NPAS2: variants seen among roughly 807,000 people sequenced by gnomAD.
NPAS2 encodes the protein neuronal PAS domain-containing protein 2.
Under a neutral mutation model 107.5 loss-of-function variants are expected in NPAS2, and 23 were observed. The observed-to-expected ratio is 0.21, with a 90% CI of 0.15 to 0.30. The LOEUF (loss-of-function observed/expected upper bound fraction) is 0.30, where lower values mean the gene tolerates loss of function less well. Among genes scored for constraint, NPAS2 ranks in the 10% least tolerant of loss-of-function variants. The pLI is 1.00. For missense variants in NPAS2, 756 were observed against 1,043.3 expected (o/e 0.72, Z 3.79); for synonymous variants, 403 against 417.5 (o/e 0.97, Z 0.42).
intron 7 of NPAS2, among the ~76,000 whole-genome samples, chr2:100,961,588 G>A (rs17020663): frequency 6.6e-6 from 1 of 152,088 alleles, no homozygotes; most frequent in Non-Finnish European, 1.5e-5. Context: ...TAAAGACTTA[G>A]ATGCTATAAA....
intron 15 of NPAS2, among the ~76,000 whole-genome samples, chr2:100,978,187 C>T (rs1677155133): frequency 6.6e-6 from 1 of 152,160 alleles, no homozygotes. Context: ...TCCCAAAGTC[C>T]ATCATTTCAT....
intron 16 of NPAS2, chr2:100,985,254 C>T (rs1677715343): frequency 6.5e-6 from 1 of 152,844 alleles, no homozygotes; most frequent in African/African-American, 2.4e-5. Flanking sequence ...ATCCGTCCTT[C>T]CATCCAGCCG....
intron 1 of NPAS2, among the ~76,000 whole-genome samples, chr2:100,852,998 A>G (rs771302683): frequency 1.3e-5 from 2 of 152,250 alleles, no homozygotes; most frequent in Non-Finnish European, 2.9e-5. Flanking sequence ...GAACTTCCTA[A>G]GAGGAGCAAG....
At chr2:100,819,173 T>A (rs1573385743), upstream of NPAS2, among the ~76,000 whole-genome samples, 1 of 149,240 alleles carries the variant, frequency 6.7e-6, no homozygotes, top group Non-Finnish European at 1.5e-5. The surrounding 1 kb of genome is among the most constrained non-coding windows in gnomAD (Gnocchi z 5.8). Flanking sequence ...AGGTCACGTA[T>A]GTTTGGAAAA....
chr2:100,995,900 C>G lies in NPAS2; in HGVS notation c.*318C>G, dbSNP rs371920466. On this transcript the variant is annotated 3_prime_UTR_variant, in exon 21 of 21. Transcript: ENST00000335681. ...AGATGGCGCATCTCGCTGCATCCCC[C>G]GAGAGTACACCGGTTGCTCTAGCCA... 6.9e-7 allele frequency: 1 copy of G among 1,445,116 alleles called. No homozygotes were observed. The highest frequency in any genetic ancestry group is 2.1e-5 in the Admixed American group (1 of 47,940). The allele number at this position is 1,445,116 out of a possible 1,614,324, so 89.5% of individuals were successfully genotyped here.
intron 19 of NPAS2, among the ~76,000 whole-genome samples, chr2:100,992,524 T>A (rs62152934): frequency 0.19 from 28,239 of 152,204 alleles, 2,819 homozygotes; most frequent in Middle Eastern, 0.32. Flanking sequence ...TCTCCCTAGA[T>A]CTGTTTGTTT....
At chr2:100,865,992 A>T (rs1679225354) in intron 1 of NPAS2, among the ~76,000 whole-genome samples, 1 of 152,056 alleles carries the variant, frequency 6.6e-6, no homozygotes, top group South Asian at 2.1e-4. Context: ...CCTCAGCCTG[A>T]CAGCCCAGGG....
intron 1 of NPAS2, among the ~76,000 whole-genome samples, chr2:100,838,183 T>TC (rs1421511855): frequency 6.6e-6 from 1 of 152,160 alleles, no homozygotes; most frequent in African/African-American, 2.4e-5. Flanking sequence ...CTTTTTTTTT[T>TC]TTTTTTAATA....
chr2:100,890,257 A>G (rs1363606788), intron 1 of NPAS2, among the ~76,000 whole-genome samples: 1 of 152,198 alleles, frequency 6.6e-6, no homozygotes, highest in African/African-American at 2.4e-5. Context: ...TCCAGGGAGC[A>G]GGCTGGGCTC....
intron 7 of NPAS2, among the ~76,000 whole-genome samples, chr2:100,958,786 T>G (rs565460060): frequency 6.6e-6 from 1 of 152,144 alleles, no homozygotes; most frequent in Non-Finnish European, 1.5e-5. Context: ...GGAAGTTCAC[T>G]TTCCTGAACA....
chr2:100,877,639 G>C (rs1044090801), intron 1 of NPAS2, among the ~76,000 whole-genome samples: 2 of 152,066 alleles, frequency 1.3e-5, no homozygotes, highest in Non-Finnish European at 2.9e-5. Flanking sequence ...AGAGTATCCT[G>C]TGAGTGTCAT....
chr2:100,824,385 C>G (rs554370880), intron 1 of NPAS2, among the ~76,000 whole-genome samples: 13 of 152,310 alleles, frequency 8.5e-5, no homozygotes, highest in Admixed American at 8.5e-4. Context: ...TCATCTGAAG[C>G]TTTTCTTGGT....
Position 100,988,406 on chromosome 2 carries a change from G to A in NPAS2, c.1827+130G>A, listed in dbSNP as rs1175517747. Reference sequence around the variant, plus strand: ...TGCCCTGTTCCGTTATGGACTGAGGGTAGATTTGGGAGTGAGCCTTCTTTT... The same window carrying A: ...TGCCCTGTTCCGTTATGGACTGAGGATAGATTTGGGAGTGAGCCTTCTTTT... On this transcript the variant is annotated intron_variant, in intron 17 of 20. Coordinates refer to ENST00000335681, the MANE Select transcript of NPAS2 (RefSeq NM_002518.4). The A allele has an allele frequency of 9.4e-6, 7 of 747,474 alleles. No individual in the cohort carries two copies. In the Admixed American group the frequency reaches 1.1e-4, roughly 12 times the overall value. 46.3% of individuals were successfully genotyped at this position (747,474 alleles called of 1,614,324 possible). A position where few individuals can be genotyped will look rare whatever the true frequency, so the allele number is the denominator to read the frequency against.
At chr2:100,928,823 C>A (rs1322558931) in intron 3 of NPAS2, among the ~76,000 whole-genome samples, 1 of 152,230 alleles carries the variant, frequency 6.6e-6, no homozygotes, top group Non-Finnish European at 1.5e-5. Context: ...CCGTAAGCAT[C>A]TGTTCAGGGC....
At chr2:100,947,742 T>C (rs1674990459) in intron 5 of NPAS2, among the ~76,000 whole-genome samples, 1 of 152,180 alleles carries the variant, frequency 6.6e-6, no homozygotes, top group Non-Finnish European at 1.5e-5. Flanking sequence ...GTAACCACAG[T>C]GCCAAGGCAC....
intron 1 of NPAS2, among the ~76,000 whole-genome samples, chr2:100,851,556 C>T (rs2034894058): frequency 6.6e-6 from 1 of 152,208 alleles, no homozygotes; most frequent in Non-Finnish European, 1.5e-5. Context: ...AGCCAAGACT[C>T]TTGAAAAGCT....
chr2:100,821,055 G>A (rs781276692), intron 1 of NPAS2: 41 of 1,303,912 alleles, frequency 3.1e-5, no homozygotes, highest in Non-Finnish European at 3.9e-5. Context: ...GTTGGGAGAT[G>A]TGCCCCTTTC....
chr2:100,909,809 C>T (rs1682428599), intron 2 of NPAS2, among the ~76,000 whole-genome samples: 1 of 151,708 alleles, frequency 6.6e-6, no homozygotes, highest in African/African-American at 2.4e-5. Flanking sequence ...ACATGCGATT[C>T]GTGTATATTA....
chr2:100,973,973 C>T (rs900872683), intron 12 of NPAS2, among the ~76,000 whole-genome samples: 1 of 152,220 alleles, frequency 6.6e-6, no homozygotes, highest in Non-Finnish European at 1.5e-5. Context: ...TCCCAAGTAG[C>T]TGGGATTACA....
Sources: gnomAD v4.1 joint callset for allele counts (sites outside exome capture counted in the v4.1 genomes callset) on GRCh38, gnomAD v4.1.1 for gene constraint, Gnocchi (gnomAD v3.1) non-coding constraint, MANE v1.5 for transcripts, NCBI Gene and HGNC (gene_info 2026-07-23, HGNC 2026-07-21) for gene names.